Variants in NHSL2 observed in about 807,000 individuals in gnomAD.
NHSL2 encodes NHS-like protein 2.
In NHSL2, 27 loss-of-function variants were observed where a neutral mutation model predicts 53.4. The ratio of observed to expected loss-of-function variants is 0.51; its 90% CI spans 0.37 to 0.70. The LOEUF is 0.70. NHSL2 is among the 30% of genes least tolerant of loss of function. NHSL2 has a pLI of 0.00. For synonymous variants in NHSL2, 408 were observed against 404.1 expected (o/e 1.01, Z -0.12); for missense variants, 892 against 980.1 (o/e 0.91, Z 1.20).
chrX:71,963,962 CATATATATATACATAT>C (rs2041880733), intron 1 of NHSL2, among the ~76,000 whole-genome samples: 1 of 48,674 alleles, frequency 2.1e-5, no homozygotes, highest in Non-Finnish European at 3.4e-5. Context: ...TATATATACA[CATATATATATACATAT>C]ATATATATAT....
At chrX:72,099,242 G>A (rs1311806270) in intron 1 of NHSL2, among the ~76,000 whole-genome samples, 4 of 111,360 alleles carry the variant, frequency 3.6e-5, no homozygotes, top group African/African-American at 9.8e-5. Flanking sequence ...CTCCCCAGCT[G>A]ATTTGAAATG....
chrX:72,137,688 T>C (rs2042369673), intron 5 of NHSL2, among the ~76,000 whole-genome samples: 2 of 111,123 alleles, frequency 1.8e-5, no homozygotes, highest in Non-Finnish European at 3.8e-5. Flanking sequence ...AGCTTCTTCA[T>C]CTATAAAGTG....
At chrX:71,946,758 G>T (rs2041794674) in intron 1 of NHSL2, among the ~76,000 whole-genome samples, 1 of 112,241 alleles carries the variant, frequency 8.9e-6, no homozygotes, top group Non-Finnish European at 1.9e-5. Flanking sequence ...AAATAATCTG[G>T]TTGGAGCAGA....
At chrX:71,954,349 C>T (rs2041833561) in intron 1 of NHSL2, among the ~76,000 whole-genome samples, 2 of 112,305 alleles carry the variant, frequency 1.8e-5, no homozygotes, top group African/African-American at 6.5e-5. Context: ...GACTTGCCCC[C>T]GGTTTCCTGA....
At chrX:72,100,007 T>C (rs901974475) in intron 1 of NHSL2, among the ~76,000 whole-genome samples, 7 of 110,962 alleles carry the variant, frequency 6.3e-5, no homozygotes, top group African/African-American at 2.0e-4. Flanking sequence ...CTGTGGTTGG[T>C]AGGAATGGAT....
chrX:72,033,163 A>G (rs1233826837), intron 1 of NHSL2, among the ~76,000 whole-genome samples: 1 of 109,147 alleles, frequency 9.2e-6, no homozygotes, highest in African/African-American at 3.4e-5. Flanking sequence ...AAGCCTATAA[A>G]TCAATTTGGG....
chrX:71,969,572 C>G (rs2041917008), intron 1 of NHSL2, among the ~76,000 whole-genome samples: 1 of 112,079 alleles, frequency 8.9e-6, no homozygotes, highest in Non-Finnish European at 1.9e-5. Flanking sequence ...TTCAGCCTCT[C>G]AAAGTGCTGG....
At chrX:72,048,046 A>T (rs1277458219) in intron 1 of NHSL2, among the ~76,000 whole-genome samples, 1 of 98,504 alleles carries the variant, frequency 1.0e-5, no homozygotes, top group Non-Finnish European at 2.0e-5. Context: ...CACTGCCCTT[A>T]ACTGTGCCTT....
chrX:72,007,742 G>C (rs1216466165), intron 1 of NHSL2, among the ~76,000 whole-genome samples: 1 of 113,427 alleles, frequency 8.8e-6, no homozygotes, highest in Non-Finnish European at 1.9e-5. Context: ...CCGCTTGAAA[G>C]TCTTGGATCC....
At chrX:72,137,963 G>A (rs1165534810) in intron 5 of NHSL2, among the ~76,000 whole-genome samples, 1 of 111,498 alleles carries the variant, frequency 9.0e-6, no homozygotes, top group Middle Eastern at 4.6e-3. Flanking sequence ...ATGTTGCAAA[G>A]CCTAAAAGTG....
chrX:72,110,787 T>C (rs932022301), intron 1 of NHSL2, among the ~76,000 whole-genome samples: 1 of 104,713 alleles, frequency 9.5e-6, no homozygotes, highest in Non-Finnish European at 1.9e-5. Flanking sequence ...CCACACTGTT[T>C]ATTGCTCTCT....
intron 1 of NHSL2, among the ~76,000 whole-genome samples, chrX:72,061,767 G>A (rs1217566794): frequency 2.7e-5 from 3 of 111,878 alleles, no homozygotes; most frequent in Admixed American, 1.9e-4. Flanking sequence ...CAAAGACATC[G>A]AGGTCCCTCT....
Position 71,918,022 on chromosome X carries a change from A to G in NHSL2, c.280+6655A>G, listed in dbSNP as rs769802605. Among the ~76,000 whole-genome samples, 447 of 111,929 alleles carry G rather than the reference A, an allele frequency of 4.0e-3. 1 individual carries two copies. The highest frequency in any genetic ancestry group is 0.014 in the African/African-American group (427 of 30,772). The stretch of plus-strand genomic sequence containing the variant: ...CTAACTGTGGATTTTCTTTATCTAC[A>G]CTCAAGTTTTCATTATCCTTGGGCA... On this transcript the variant is annotated intron_variant, in intron 1 of 7. Coordinates refer to ENST00000633930, the MANE Select transcript of NHSL2 (RefSeq NM_001013627.3).
intron 1 of NHSL2, among the ~76,000 whole-genome samples, chrX:72,067,345 T>A (rs2042436809): frequency 9.0e-6 from 1 of 111,553 alleles, no homozygotes; most frequent in African/African-American, 3.3e-5. Flanking sequence ...CTCATGTTCC[T>A]GGAAATATAA....
rs1437653775 is a variant in NHSL2 at position 72,147,161 on chromosome X, G to A, written c.*3587G>A. 2 of 112,126 alleles carry A rather than the reference G, an allele frequency of 1.8e-5. No homozygotes were observed. Among genetic ancestry groups the A allele is most frequent in the African/African-American group, 6.5e-5 (2 of 30,799 alleles). The allele number at this position is 112,126 out of a possible 1,213,427, so 9.2% of individuals were successfully genotyped here. ...TGCCCTCTTCCTCATCAATGAACAA[G>A]TTGGGAAAAAGATGAGTTCATGCTC... On this transcript the variant is annotated 3_prime_UTR_variant, in exon 8 of 8. Coordinates refer to ENST00000633930, the MANE Select transcript of NHSL2 (RefSeq NM_001013627.3).
intron 1 of NHSL2, among the ~76,000 whole-genome samples, chrX:71,934,457 G>C (rs1291528310): frequency 8.9e-6 from 1 of 112,331 alleles, no homozygotes; most frequent in South Asian, 3.7e-4. Context: ...TCACTCGCTG[G>C]AACTGTCCGA....
intron 1 of NHSL2, among the ~76,000 whole-genome samples, chrX:72,014,544 A>G (rs2042128322): frequency 8.9e-6 from 1 of 111,835 alleles, no homozygotes; most frequent in Non-Finnish European, 1.9e-5. Context: ...AAATTTTCAT[A>G]TTTGACCCAT....
intron 1 of NHSL2, among the ~76,000 whole-genome samples, chrX:72,098,603 G>C (rs1339860776): frequency 1.8e-5 from 2 of 108,937 alleles, no homozygotes; most frequent in Non-Finnish European, 3.8e-5. Context: ...AAAAGAAAGA[G>C]AGAAGAAGTT....
intron 1 of NHSL2, among the ~76,000 whole-genome samples, chrX:72,061,535 T>A (rs1369156665): frequency 5.3e-5 from 6 of 112,181 alleles, no homozygotes; most frequent in Non-Finnish European, 1.1e-4. Context: ...CCCATCATCT[T>A]TTGCCTGGAC....
Sources: allele counts gnomAD v4.1 joint callset (sites outside exome capture counted in the v4.1 genomes callset), GRCh38; gene constraint gnomAD v4.1.1; transcripts MANE v1.5; gene names NCBI Gene and HGNC (gene_info 2026-07-23, HGNC 2026-07-21).